DCK: variants seen among roughly 807,000 people sequenced by gnomAD.
DCK encodes deoxycytidine kinase, also known as deoxyadenosine kinase.
In DCK, 23 loss-of-function variants were observed where a neutral mutation model predicts 38.3. The observed-to-expected ratio is 0.60, with a 90% CI of 0.43 to 0.85. The LOEUF is 0.85. Ranked by LOEUF, DCK falls within the 40% of genes least tolerant of loss-of-function variation. The pLI is 0.00. For missense variants in DCK, 259 were observed against 304.4 expected (o/e 0.85, Z 1.11); for synonymous variants, 108 against 100.6 (o/e 1.07, Z -0.44).
chr4:71,010,301 C>G (rs1342841787), intron 2 of DCK, among the ~76,000 whole-genome samples: 3 of 151,696 alleles, frequency 2.0e-5, no homozygotes, highest in African/African-American at 4.8e-5. Context: ...CCAAATCTCT[C>G]TTGGTGAGAA....
chr4:71,005,011 C>T (rs1490255344), intron 2 of DCK, among the ~76,000 whole-genome samples: 1 of 152,006 alleles, frequency 6.6e-6, no homozygotes, highest in Non-Finnish European at 1.5e-5. Context: ...CGCTGGCATT[C>T]CAGGCACCAC....
chr4:71,006,850 A>C (rs948153998), intron 2 of DCK, among the ~76,000 whole-genome samples: 1 of 152,314 alleles, frequency 6.6e-6, no homozygotes, highest in East Asian at 1.9e-4. Flanking sequence ...AACCTTAAAA[A>C]TGGAAATGTA....
At chr4:71,022,693 A>G (rs1359726439) in intron 3 of DCK, 133 bp downstream of exon 3, 1 of 487,760 alleles carries the variant, frequency 2.1e-6, no homozygotes, top group Non-Finnish European at 3.4e-6. Flanking sequence ...GGAAAATGAC[A>G]TTTAAATCCC....
At chr4:71,026,901 G>A in intron 6 of DCK, 146 bp downstream of exon 6, 1 of 491,166 alleles carries the variant, frequency 2.0e-6, no homozygotes, top group Middle Eastern at 4.2e-4. Flanking sequence ...GACTGTTTAA[G>A]ATTCCAGTCC....
rs776166518 is a variant in DCK, at chr4:71,029,385, T to C, written c.*7T>C. The C allele has an allele frequency of 4.4e-6, 7 of 1,606,586 alleles. No homozygotes were observed. Among genetic ancestry groups the C allele is most frequent in the Middle Eastern group, 1.6e-4 (1 of 6,076 alleles). ...GTTTTTGAGTACTTTGTGATCTTGC[T>C]GAAGACTACAGGCAGCCAAATGGTT... On this transcript the variant is annotated 3_prime_UTR_variant, in exon 7 of 7. Transcript: ENST00000286648.
At chr4:71,005,164 C>T (rs533336428) in intron 2 of DCK, among the ~76,000 whole-genome samples, 96 of 152,256 alleles carry the variant, frequency 6.3e-4, no homozygotes, top group Non-Finnish European at 1.0e-3. Flanking sequence ...GGGAAAAAGC[C>T]TAGTATCTGG....
intron 6 of DCK, among the ~76,000 whole-genome samples, chr4:71,027,469 A>G (rs1211310283): frequency 3.3e-5 from 5 of 152,120 alleles, no homozygotes; most frequent in African/African-American, 1.2e-4. Flanking sequence ...TTTGAGAGAG[A>G]ATAGTAAGGG....
intron 1 of DCK, among the ~76,000 whole-genome samples, chr4:70,997,435 A>T (rs1369236579): frequency 2.0e-5 from 3 of 152,056 alleles, no homozygotes; most frequent in African/African-American, 7.2e-5. Context: ...GATACAGTTT[A>T]CTTTGTGTTT....
intron 6 of DCK, 41 bp downstream of exon 6, chr4:71,026,796 A>T (rs1486271): frequency 0.93 from 973,566 of 1,047,076 alleles, 462,068 homozygotes; most frequent in Non-Finnish European, 0.97. Flanking sequence ...TGTTTTTTCT[A>T]AAAAAGTGTA....
chr4:71,027,798 A>G (rs1033247255), intron 6 of DCK, among the ~76,000 whole-genome samples: 2 of 152,186 alleles, frequency 1.3e-5, no homozygotes, highest in African/African-American at 4.8e-5. Context: ...ATTCACTTAC[A>G]ATACTATTAA....
Position 71,029,402 on chromosome 4 carries a change from CA to C in DCK, c.*27del. 1 of 1,583,908 alleles carries C rather than the reference CA, an allele frequency of 6.3e-7. No homozygotes were observed. Among genetic ancestry groups the C allele is most frequent in the Non-Finnish European group, 8.7e-7 (1 of 1,153,378 alleles). ...GATCTTGCTGAAGACTACAGGCAGCCAAATGGTTCCAGATACTTCAGCTTTG... is the reference window on the plus strand; with the variant it reads ...GATCTTGCTGAAGACTACAGGCAGCCAATGGTTCCAGATACTTCAGCTTTG... On this transcript the variant is annotated 3_prime_UTR_variant, in exon 7 of 7. Coordinates refer to ENST00000286648, the MANE Select transcript of DCK (RefSeq NM_000788.3).
intron 4 of DCK, among the ~76,000 whole-genome samples, chr4:71,024,047 G>A (rs887214965): frequency 1.3e-5 from 2 of 152,170 alleles, no homozygotes; most frequent in Non-Finnish European, 2.9e-5. Context: ...GGCTTCATGA[G>A]GTGGGACCTT....
intron 2 of DCK, among the ~76,000 whole-genome samples, chr4:71,011,231 T>TC (rs1470128080): frequency 1.1e-4 from 12 of 107,920 alleles, no homozygotes; most frequent in African/African-American, 4.1e-4. Flanking sequence ...GTGTGAGGTC[T>TC]CTTTTTTTTT....
chr4:70,993,681 A>G lies in DCK; in HGVS notation c.-155A>G, dbSNP rs900218934. On this transcript the variant is annotated 5_prime_UTR_variant, in exon 1 of 7. Coordinates refer to ENST00000286648, the MANE Select transcript of DCK (RefSeq NM_000788.3). Reference sequence around the variant, plus strand: ...TCAGCTGCCTCCGCGCGCCAAAGTCAAACCCCGACACCCGCCGGCGGGCCG... The same window carrying G: ...TCAGCTGCCTCCGCGCGCCAAAGTCGAACCCCGACACCCGCCGGCGGGCCG... The G allele has an allele frequency of 3.3e-5, 19 of 573,690 alleles. No homozygotes were observed. Among genetic ancestry groups the G allele is most frequent in the Middle Eastern group, 9.2e-4 (2 of 2,166 alleles). 35.5% of individuals were successfully genotyped at this position (573,690 alleles called of 1,614,324 possible).
chr4:71,001,449 T>C (rs1168169400), intron 2 of DCK, among the ~76,000 whole-genome samples: 1 of 151,954 alleles, frequency 6.6e-6, no homozygotes, highest in Non-Finnish European at 1.5e-5. Context: ...TGACATTTTC[T>C]TTTTTTTGTT....
chr4:71,021,224 C>T (rs1397988094), intron 2 of DCK, among the ~76,000 whole-genome samples: 3 of 151,248 alleles, frequency 2.0e-5, no homozygotes, highest in South Asian at 2.1e-4. Flanking sequence ...TACAGGCGCC[C>T]GCCACCGCGC....
intron 2 of DCK, among the ~76,000 whole-genome samples, chr4:71,010,231 C>T (rs1270809226): frequency 1.4e-5 from 2 of 147,808 alleles, no homozygotes; most frequent in Non-Finnish European, 3.0e-5. Flanking sequence ...TGATAAGGTA[C>T]TCCTAATTTT....
intron 2 of DCK, among the ~76,000 whole-genome samples, chr4:71,004,273 G>C (rs562260689): frequency 6.6e-6 from 1 of 152,190 alleles, no homozygotes; most frequent in Non-Finnish European, 1.5e-5. Context: ...GTTTGCCTGG[G>C]TATCACCAGC....
chr4:71,020,687 GACT>G (rs1243061582), intron 2 of DCK, among the ~76,000 whole-genome samples: 1 of 151,888 alleles, frequency 6.6e-6, no homozygotes, highest in African/African-American at 2.4e-5. Context: ...CTCAAAACAT[GACT>G]AGAGTTTTGT....
Sources: gnomAD v4.1 joint callset for allele counts (sites outside exome capture counted in the v4.1 genomes callset) on GRCh38, gnomAD v4.1.1 for gene constraint, MANE v1.5 for transcripts, NCBI Gene and HGNC (gene_info 2026-07-23, HGNC 2026-07-21) for gene names.